The following RNF34 variants were observed in gnomAD, a reference collection of about 807,000 sequenced individuals.
RNF34 encodes the protein ring finger protein 34, also known as E3 ubiquitin-protein ligase RNF34.
A neutral mutation model predicts 37.9 loss-of-function variants in RNF34; 12 were observed. That is an observed-to-expected ratio of 0.32 (90% CI 0.20 to 0.51). The LOEUF (loss-of-function observed/expected upper bound fraction) is 0.51. Among genes scored for constraint, RNF34 ranks in the 20% least tolerant of loss-of-function variants. RNF34 has a pLI of 0.97. For synonymous variants in RNF34, 155 were observed against 177.2 expected (o/e 0.87, Z 1.00); for missense variants, 362 against 472.7 (o/e 0.77, Z 2.17).
rs908368621 is a variant in RNF34 at position 121,423,370 on chromosome 12, C to T, written c.929-16C>T. On this transcript the variant is annotated splice_polypyrimidine_tract_variant and intron_variant, in intron 5 of 5. Coordinates refer to ENST00000361234, the MANE Select transcript of RNF34 (RefSeq NM_025126.4). This position sits in a 1 kb window ranked among gnomAD's most constrained non-coding sequence, Gnocchi z 4.3. ...CATGCCTGAAGCCGAGGCCTTAGCT[C>T]TCTGTTGCCTTTCAGATGGCGAGCG... 1 of 1,590,100 alleles carries T rather than the reference C, an allele frequency of 6.3e-7. No homozygotes were observed. The highest frequency in any genetic ancestry group is 8.6e-7 in the Non-Finnish European group (1 of 1,166,238).
At chr12:121,405,361 A>T (rs1311457348) in intron 1 of RNF34, among the ~76,000 whole-genome samples, 1 of 152,138 alleles carries the variant, frequency 6.6e-6, no homozygotes, top group Non-Finnish European at 1.5e-5. Context: ...GTCTCCACTC[A>T]ACTAGCTGGT....
chr12:121,417,759 A>G lies in RNF34; in HGVS notation c.481A>G (p.Thr161Ala), dbSNP rs1555282453. The G allele has an allele frequency of 6.2e-7, 1 of 1,614,212 alleles. No homozygotes were observed. Among genetic ancestry groups the G allele is most frequent in the African/African-American group, 1.3e-5 (1 of 75,048 alleles). Reference protein sequence around the residue: ...HGLGSEDDMDTSSLNSSRSQT... With the variant: ...HGLGSEDDMDASSLNSSRSQT... Reference sequence around the variant, plus strand: ...ACTAGGCTCTGAGGACGACATGGACACAAGCAGTCTGAATTCTTCAAGGTC... The same window carrying G: ...ACTAGGCTCTGAGGACGACATGGACGCAAGCAGTCTGAATTCTTCAAGGTC... The change falls in exon 3 of 6, where the codon ACA (threonine) becomes GCA (alanine). Residue 161 changes from threonine (T) to alanine (A), a missense_variant. Coordinates refer to ENST00000361234, the MANE Select transcript of RNF34 (RefSeq NM_025126.4). This position sits in a 1 kb window ranked among gnomAD's most constrained non-coding sequence, Gnocchi z 5.0.
chr12:121,419,917 T>C (rs1287378622), intron 3 of RNF34: 4 of 184,914 alleles, frequency 2.2e-5, no homozygotes, highest in Non-Finnish European at 4.6e-5. Flanking sequence ...TGCAGGTACT[T>C]TGATAATGAC....
intron 1 of RNF34, chr12:121,409,752 A>G (rs1428524976): frequency 6.6e-6 from 1 of 152,216 alleles, no homozygotes; most frequent in Non-Finnish European, 1.5e-5. Flanking sequence ...ATTCCTTAGC[A>G]AGAAGTACTG....
At chr12:121,400,989 C>G (rs565889491) in intron 1 of RNF34, among the ~76,000 whole-genome samples, 4 of 152,222 alleles carry the variant, frequency 2.6e-5, no homozygotes, top group African/African-American at 9.6e-5. Context: ...GGTATTGATT[C>G]ATTTGCCGAA....
intron 1 of RNF34, among the ~76,000 whole-genome samples, chr12:121,405,439 G>A (rs1870432366): frequency 6.6e-6 from 1 of 152,130 alleles, no homozygotes; most frequent in South Asian, 2.1e-4. Context: ...TTCTCCAGTT[G>A]ATGCTATCAG....
At chr12:121,411,900 G>A (rs1427954715) in intron 1 of RNF34, among the ~76,000 whole-genome samples, 1 of 152,192 alleles carries the variant, frequency 6.6e-6, no homozygotes, top group African/African-American at 2.4e-5. Context: ...CTGGAATGAA[G>A]AGAAGTTTAT....
At chr12:121,410,422 G>A (rs894850872) in intron 1 of RNF34, among the ~76,000 whole-genome samples, 5 of 151,484 alleles carry the variant, frequency 3.3e-5, no homozygotes, top group African/African-American at 4.9e-5. Flanking sequence ...CTGTAATCCC[G>A]GCTACTTGGG....
chr12:121,407,111 G>A (rs142733577), intron 1 of RNF34, among the ~76,000 whole-genome samples: 13 of 151,770 alleles, frequency 8.6e-5, no homozygotes, highest in Non-Finnish European at 1.5e-4. Flanking sequence ...TTTCTAAACT[G>A]TTAGAAAAAG....
rs35925457 is a variant in RNF34 at position 121,421,371 on chromosome 12, T to TACAAAAAA, written c.928+594_928+595insCAAAAAAA. ...GGGCAACATAGAGAGATCCCATCTC[T>TACAAAAAA]AAAAAAAAAAAAAAAAAAAAAAAAA... is the stretch of plus-strand genomic sequence containing the variant. On this transcript the variant is annotated intron_variant, in intron 5 of 5. Coordinates refer to ENST00000361234, the MANE Select transcript of RNF34 (RefSeq NM_025126.4). 1.1e-3 allele frequency among the ~76,000 whole-genome samples: 50 copies of TACAAAAAA among 46,366 alleles called. 5 individuals are homozygous for TACAAAAAA. Among genetic ancestry groups the TACAAAAAA allele is most frequent in the African/African-American group, 3.3e-3 (48 of 14,724 alleles). 30.4% of individuals were successfully genotyped at this position (46,366 alleles called of 152,430 possible).
intron 5 of RNF34, among the ~76,000 whole-genome samples, chr12:121,422,023 C>T (rs782484568): frequency 4.6e-5 from 7 of 152,174 alleles, no homozygotes; most frequent in Admixed American, 2.0e-4. Context: ...TTTCAGAGGT[C>T]GTAGGCTGCT....
At position 121,423,327 on chromosome 12, in the gene RNF34, G is replaced by A; in HGVS notation, c.929-59G>A. On this transcript the variant is annotated intron_variant, in intron 5 of 5. Coordinates refer to ENST00000361234, the MANE Select transcript of RNF34 (RefSeq NM_025126.4). The surrounding 1 kb of genome is among the most constrained non-coding windows in gnomAD (Gnocchi z 4.3). ...TGGCTGCTCAGCTTCGGACTGGGAGGGTGGCTGGCTGACTGGCCATGCCTG... is the reference window on the plus strand; with the variant it reads ...TGGCTGCTCAGCTTCGGACTGGGAGAGTGGCTGGCTGACTGGCCATGCCTG... The A allele has an allele frequency of 3.6e-6, 5 of 1,403,996 alleles. No individual in the cohort carries two copies. The highest frequency in any genetic ancestry group is 4.9e-6 in the Non-Finnish European group (5 of 1,029,050). 87.0% of individuals were successfully genotyped at this position (1,403,996 alleles called of 1,614,324 possible).
intron 1 of RNF34, among the ~76,000 whole-genome samples, chr12:121,412,230 CTTTTTTTTTTTTT>C (rs560473770): frequency 2.0e-5 from 1 of 49,610 alleles, no homozygotes; most frequent in African/African-American, 7.9e-5. Flanking sequence ...CCCAACTAAT[CTTTTTTTTTTTTT>C]TTTTTTTTTT....
chr12:121,413,433 A>C, intron 1 of RNF34, among the ~76,000 whole-genome samples: 1 of 98,230 alleles, frequency 1.0e-5, no homozygotes, highest in South Asian at 3.8e-4. Flanking sequence ...TTTTTTTGAG[A>C]CGGAGTTTTG....
chr12:121,411,524 AC>A (rs1871058683), intron 1 of RNF34, among the ~76,000 whole-genome samples: 1 of 152,176 alleles, frequency 6.6e-6, no homozygotes, highest in African/African-American at 2.4e-5. Flanking sequence ...TCATTGTAAA[AC>A]TATCCCTGAT....
chr12:121,421,371 T>TACAAAAA lies in RNF34; in HGVS notation c.928+594_928+595insCAAAAAA, dbSNP rs35925457. ...GGGCAACATAGAGAGATCCCATCTC[T>TACAAAAA]AAAAAAAAAAAAAAAAAAAAAAAAA... On this transcript the variant is annotated intron_variant, in intron 5 of 5. Coordinates refer to ENST00000361234, the MANE Select transcript of RNF34 (RefSeq NM_025126.4). Among the ~76,000 whole-genome samples the TACAAAAA allele has an allele frequency of 1.5e-3, 68 of 46,368 alleles. 2 individuals are homozygous for TACAAAAA. Among genetic ancestry groups the TACAAAAA allele is most frequent in the African/African-American group, 4.4e-3 (65 of 14,724 alleles). 30.4% of individuals were successfully genotyped at this position (46,368 alleles called of 152,430 possible).
intron 1 of RNF34, among the ~76,000 whole-genome samples, chr12:121,412,230 CTTTTTTTT>C (rs560473770): frequency 1.8e-4 from 9 of 49,648 alleles, no homozygotes; most frequent in African/African-American, 5.5e-4. Flanking sequence ...CCCAACTAAT[CTTTTTTTT>C]TTTTTTTTTT....
intron 1 of RNF34, among the ~76,000 whole-genome samples, chr12:121,407,670 G>C (rs2032988564): frequency 6.6e-6 from 1 of 152,154 alleles, no homozygotes; most frequent in African/African-American, 2.4e-5. Context: ...ATGAATAAAA[G>C]AAAAATAAAG....
chr12:121,412,454 A>C (rs1871172045), intron 1 of RNF34, among the ~76,000 whole-genome samples: 1 of 151,714 alleles, frequency 6.6e-6, no homozygotes, highest in Admixed American at 6.6e-5. Flanking sequence ...CGTGTCAGCC[A>C]GGATGGTCTT....
Sources: allele counts gnomAD v4.1 joint callset (sites outside exome capture counted in the v4.1 genomes callset), GRCh38; gene constraint gnomAD v4.1.1; non-coding constraint Gnocchi (gnomAD v3.1); transcripts MANE v1.5; gene names NCBI Gene and HGNC (gene_info 2026-07-23, HGNC 2026-07-21).